Variants in MAST4 observed in about 807,000 individuals in gnomAD.
The protein encoded by MAST4 is microtubule-associated serine/threonine-protein kinase 4.
Under a neutral mutation model 162.7 loss-of-function variants are expected in MAST4, and 89 were observed. The ratio of observed to expected loss-of-function variants is 0.55; its 90% CI spans 0.46 to 0.65. MAST4 has a LOEUF of 0.65. MAST4 is among the 30% of genes least tolerant of loss of function. The pLI, the probability that MAST4 is intolerant of heterozygous loss-of-function variation, is 0.00. For missense variants in MAST4, 3,153 were observed against 3,374.0 expected (o/e 0.93, Z 1.62); for synonymous variants, 1,479 against 1,361.1 (o/e 1.09, Z -1.91).
chr5:66,996,285 A>AAAAT (rs1554078436), intron 4 of MAST4, among the ~76,000 whole-genome samples: 6 of 151,596 alleles, frequency 4.0e-5, no homozygotes, highest in Non-Finnish European at 7.4e-5. Flanking sequence ...ATCTCAAAAA[A>AAAAT]ATATATATAT....
At chr5:67,087,738 AT>A (rs1437103777) in intron 5 of MAST4, among the ~76,000 whole-genome samples, 2 of 152,196 alleles carry the variant, frequency 1.3e-5, no homozygotes, top group Non-Finnish European at 2.9e-5. Flanking sequence ...GTGTATGTAT[AT>A]GTGTGTATAC....
intron 3 of MAST4, among the ~76,000 whole-genome samples, chr5:66,879,272 C>T (rs1341680927): frequency 2.1e-4 from 9 of 42,864 alleles, no homozygotes; most frequent in African/African-American, 8.8e-4. Flanking sequence ...GAGCAAGACT[C>T]CGTCTCAAAA....
intron 1 of MAST4, among the ~76,000 whole-genome samples, chr5:66,691,928 G>T (rs1749066775): frequency 6.6e-6 from 1 of 152,128 alleles, no homozygotes; most frequent in Non-Finnish European, 1.5e-5. Context: ...TATTAAGAAT[G>T]TACAGTGAAT....
intron 6 of MAST4, among the ~76,000 whole-genome samples, chr5:67,092,353 G>A (rs893476600): frequency 6.6e-6 from 1 of 152,090 alleles, no homozygotes; most frequent in Admixed American, 6.5e-5. Flanking sequence ...AGACTAGAAA[G>A]TATAATGACA....
rs1774093244 is a variant in MAST4, at chr5:67,166,920, G to A, written c.7741G>A (p.Asp2581Asn). The A allele has an allele frequency of 4.3e-6, 7 of 1,611,756 alleles. No homozygotes were observed. The highest frequency in any genetic ancestry group is 5.9e-6 in the Non-Finnish European group (7 of 1,179,332). Residue 2581 changes from aspartate (D) to asparagine (N), a missense_variant, in exon 29 of 29, where the codon GAC (aspartate) becomes AAC (asparagine). Asp to Asn is a conservative substitution (Grantham distance 23). Around this residue, in one of 7 missense-constraint regions of MAST4, gnomAD observed 1,644 missense variants for 1,495.0 expected, o/e 1.10. Coordinates refer to ENST00000403625, the MANE Select transcript of MAST4 (RefSeq NM_001164664.2). ...AGCTAGGAAACAGAACGTGGGCAGA[G>A]ACGTGACCAAGCCATCCCCAGCCCC... ...PPARKQNVGR[D>N]VTKPSPAPNT...
At chr5:66,914,563 A>T (rs1763980654) in intron 4 of MAST4, among the ~76,000 whole-genome samples, 1 of 152,104 alleles carries the variant, frequency 6.6e-6, no homozygotes, top group South Asian at 2.1e-4. Context: ...GAAGAGGAAG[A>T]GTGTGACCAG....
intron 4 of MAST4, among the ~76,000 whole-genome samples, chr5:67,013,520 A>G (rs1197473547): frequency 6.6e-6 from 1 of 152,190 alleles, no homozygotes; most frequent in East Asian, 1.9e-4. Flanking sequence ...ATTCTATCTA[A>G]TTTTAAATGT....
At chr5:66,785,674 T>C (rs1755080461) in intron 2 of MAST4, among the ~76,000 whole-genome samples, 1 of 152,186 alleles carries the variant, frequency 6.6e-6, no homozygotes, top group African/African-American at 2.4e-5. Flanking sequence ...AGTGGTTTTC[T>C]TCCTTTTGAG....
intron 4 of MAST4, among the ~76,000 whole-genome samples, chr5:67,000,681 G>A (rs1216957889): frequency 1.3e-5 from 2 of 151,400 alleles, no homozygotes; most frequent in African/African-American, 4.8e-5. Flanking sequence ...CTGAGAGGCA[G>A]AGGTTGCAGT....
intron 26 of MAST4, among the ~76,000 whole-genome samples, chr5:67,159,587 G>A (rs141239264): frequency 2.0e-5 from 3 of 152,148 alleles, no homozygotes; most frequent in Non-Finnish European, 4.4e-5. Context: ...CATGGTAATC[G>A]GGGCCATCTG....
chr5:66,832,806 A>G (rs1289925351), intron 3 of MAST4, among the ~76,000 whole-genome samples: 1 of 152,196 alleles, frequency 6.6e-6, no homozygotes. Context: ...AACATTTATG[A>G]TAATATTAAT....
chr5:67,049,023 GTATATATATA>G (rs10598203), intron 4 of MAST4, among the ~76,000 whole-genome samples: 3 of 85,666 alleles, frequency 3.5e-5, no homozygotes, highest in African/African-American at 1.4e-4. Flanking sequence ...ATATATATAC[GTATATATATA>G]TATATATACG....
chr5:67,086,719 G>T (rs905844457), intron 5 of MAST4, among the ~76,000 whole-genome samples: 2 of 152,152 alleles, frequency 1.3e-5, no homozygotes, highest in Admixed American at 6.5e-5. Flanking sequence ...GTTTTCATTT[G>T]GGAGTCTCTC....
At position 67,144,810 on chromosome 5, in the gene MAST4, C is replaced by T; in HGVS notation, c.2858+14C>T. ...ATATTCTGAAATGTATGTGAAATGC[C>T]TCTTAAGTAATATAAGCAGTAGCTA... On this transcript the variant is annotated intron_variant, in intron 22 of 28. Transcript: ENST00000403625. 6.3e-7 allele frequency: 1 copy of T among 1,585,888 alleles called. No homozygotes were observed. The highest frequency in any genetic ancestry group is 8.6e-7 in the Non-Finnish European group (1 of 1,165,192).
At chr5:66,834,917 C>G (rs140896537) in intron 3 of MAST4, among the ~76,000 whole-genome samples, 1 of 152,274 alleles carries the variant, frequency 6.6e-6, no homozygotes, top group Admixed American at 6.5e-5. Context: ...TCTACAGATC[C>G]TGTGATAGCT....
intron 7 of MAST4, 90 bp from the exon 8 acceptor site, chr5:67,100,345 A>C: frequency 8.2e-7 from 1 of 1,223,660 alleles, no homozygotes; most frequent in Non-Finnish European, 1.2e-6. Flanking sequence ...AAATGGTGGT[A>C]TTGTCCAAGT....
At chr5:67,124,593 A>C (rs191483857) in intron 14 of MAST4, among the ~76,000 whole-genome samples, 86 of 152,314 alleles carry the variant, frequency 5.6e-4, no homozygotes, top group African/African-American at 1.7e-3. Flanking sequence ...ACAACAACAA[A>C]AAAAATCCAC....
chr5:66,902,795 T>C, intron 4 of MAST4: 1 of 416,998 alleles, frequency 2.4e-6, no homozygotes, highest in Non-Finnish European at 4.8e-6. Context: ...GGATTTTAGC[T>C]ATTTCTCTTC....
rs1773982306 is a variant in MAST4 at position 67,166,422 on chromosome 5, C to T, written c.7243C>T (p.Pro2415Ser). ...RPAAGVGKGF[P>S]EARGKGPGPQ... ...AGCCGCGGGGGTGGGGAAGGGCTTC[C>T]CTGAGGCCAGAGGGAAAGGGCCCGG... The change falls in exon 29 of 29, where the codon CCT (proline) becomes TCT (serine). Residue 2415 changes from proline to serine, a missense_variant. Physicochemically the swap from Pro to Ser is moderately conservative, Grantham distance 74 (BLOSUM62 -1). Transcript: ENST00000403625. 1.2e-6 allele frequency: 2 copies of T among 1,607,376 alleles called. No homozygotes were observed. The highest frequency in any genetic ancestry group is 1.7e-6 in the Non-Finnish European group (2 of 1,176,930).
Sources: gnomAD v4.1 joint callset for allele counts (sites outside exome capture counted in the v4.1 genomes callset) on GRCh38, gnomAD v4.1.1 for gene constraint, gnomAD v4.1.1 regional missense constraint, MANE v1.5 for transcripts, NCBI Gene and HGNC (gene_info 2026-07-23, HGNC 2026-07-21) for gene names.